Variants in SLC5A9 observed in about 807,000 individuals in gnomAD.
The protein encoded by SLC5A9 is solute carrier family 5 member 9.
A neutral mutation model predicts 70.9 loss-of-function variants in SLC5A9; 59 were observed. The observed-to-expected ratio is 0.83, with a 90% CI of 0.68 to 1.03. SLC5A9 has a LOEUF of 1.03. SLC5A9 is among the 50% of genes least tolerant of loss of function. The pLI is 0.00. For synonymous variants in SLC5A9, 340 were observed against 346.5 expected (o/e 0.98, Z 0.21); for missense variants, 832 against 881.1 (o/e 0.94, Z 0.71).
intron 4 of SLC5A9, 33 bp from the exon 5 acceptor site, chr1:48,230,567 T>G: frequency 6.5e-7 from 1 of 1,527,676 alleles, no homozygotes; most frequent in Non-Finnish European, 9.1e-7. Context: ...GGGCCTCGGG[T>G]GGTCTGGCCT....
At chr1:48,231,069 C>A (rs2148571679) in intron 5 of SLC5A9, among the ~76,000 whole-genome samples, 1 of 152,274 alleles carries the variant, frequency 6.6e-6, no homozygotes, top group Middle Eastern at 3.4e-3. Context: ...TCACTGCAGG[C>A]TGCCCCAGGC....
intron 2 of SLC5A9, chr1:48,228,492 T>A: frequency 4.4e-6 from 1 of 227,136 alleles, no homozygotes; most frequent in Non-Finnish European, 8.9e-6. Flanking sequence ...GGCTTCCCTA[T>A]CCCCTTCAGC....
At chr1:48,236,013 C>A in intron 10 of SLC5A9, 134 bp downstream of exon 10, 1 of 978,938 alleles carries the variant, frequency 1.0e-6, no homozygotes. Flanking sequence ...TCCAGCTCTC[C>A]ACATGATTTC....
At position 48,242,540 on chromosome 1, in the gene SLC5A9, C is replaced by T. The variant is rs955645064; in HGVS notation, c.1761C>T (p.Ser587=). The change falls in exon 13 of 14, where the codon TCC becomes TCT. Residue 587 remains serine, a synonymous_variant. Transcript: ENST00000438567. ...KEAHESTPEI[S]ERPAGECPAG... ...CCCACGAGAGCACACCGGAGATATC[C>T]GAGAGGCCAGCCGGGGAGTGCCCTG... The T allele has an allele frequency of 3.1e-6, 5 of 1,613,656 alleles. No individual in the cohort carries two copies. The highest frequency in any genetic ancestry group is 2.2e-5 in the East Asian group (1 of 44,878).
Position 48,242,628 on chromosome 1 carries a change from C to T in SLC5A9, c.1837+12C>T. 6.2e-7 allele frequency: 1 copy of T among 1,601,836 alleles called. No individual in the cohort carries two copies. Among genetic ancestry groups the T allele is most frequent in the Non-Finnish European group, 8.5e-7 (1 of 1,173,846 alleles). ...GGAGCAGCCTGAAGGTAGGCTGCGG[C>T]AGGCCGGGGGATACTCATCACAGAG... On this transcript the variant is annotated intron_variant, in intron 13 of 13. Coordinates refer to ENST00000438567, the MANE Select transcript of SLC5A9 (RefSeq NM_001011547.3).
At chr1:48,224,658 G>A in intron 1 of SLC5A9, 66 bp from the exon 2 acceptor site, 1 of 1,530,026 alleles carries the variant, frequency 6.5e-7, no homozygotes, top group Non-Finnish European at 9.1e-7. Flanking sequence ...GAAATCTGCG[G>A]GGAGGGGGCA....
intron 5 of SLC5A9, 23 bp downstream of exon 5, chr1:48,230,728 G>A: frequency 3.2e-6 from 5 of 1,570,404 alleles, no homozygotes; most frequent in Non-Finnish European, 4.4e-6. Context: ...AAGAGGGCAA[G>A]AGGAAAGCTT....
intron 3 of SLC5A9, 167 bp downstream of exon 3, chr1:48,229,121 G>T (rs773264494): frequency 6.2e-7 from 1 of 1,614,088 alleles, no homozygotes. Flanking sequence ...ATCAAGGTCT[G>T]GAGGAGACAG....
At chr1:48,227,803 T>C (rs1007365925) in intron 2 of SLC5A9, 1 of 152,370 alleles carries the variant, frequency 6.6e-6, no homozygotes, top group Non-Finnish European at 1.5e-5. Context: ...TCCTCTCACT[T>C]TCTCTCTCAC....
chr1:48,235,908 G>A lies in SLC5A9; in HGVS notation c.1292+29G>A, dbSNP rs756870831. ...CGCCGGCCCCTCCTTCCCTCCTTCC[G>A]AAGTGCCCTCTCCCCTCTGCCCTGC... On this transcript the variant is annotated intron_variant, in intron 10 of 13. Transcript: ENST00000438567. 67 of 1,613,428 alleles carry A rather than the reference G, an allele frequency of 4.2e-5. 1 individual carries two copies. The highest frequency in any genetic ancestry group is 2.8e-5 in the Non-Finnish European group (33 of 1,179,822).
intron 9 of SLC5A9, 121 bp from the exon 10 acceptor site, chr1:48,235,608 C>T: frequency 1.7e-6 from 2 of 1,194,156 alleles, no homozygotes; most frequent in Non-Finnish European, 2.4e-6. Context: ...CATCCAACCC[C>T]TTCCCTCTCT....
In SLC5A9 at chr1:48,239,663, G is replaced by T; in HGVS notation, c.1677+126G>T. The stretch of plus-strand genomic sequence containing the variant: ...CCCTGTGGCCACACAGATGTCCTTG[G>T]GAGGGAAAGTGCCTTGGGCTATGAA... On this transcript the variant is annotated intron_variant, in intron 12 of 13. Transcript: ENST00000438567. The surrounding 1 kb of genome is among the most constrained non-coding windows in gnomAD (Gnocchi z 4.2). 1.1e-6 allele frequency: 1 copy of T among 881,000 alleles called. No individual in the cohort carries two copies. The highest frequency in any genetic ancestry group is 1.8e-6 in the Non-Finnish European group (1 of 559,772). The allele number at this position is 881,000 out of a possible 1,614,324, so 54.6% of individuals were successfully genotyped here.
chr1:48,228,684 T>TA, intron 2 of SLC5A9, 166 bp from the exon 3 acceptor site: 3 of 1,168,348 alleles, frequency 2.6e-6, no homozygotes, highest in Non-Finnish European at 3.5e-6. Context: ...GGATGACTAA[T>TA]ACCCCTCCCT....
intron 10 of SLC5A9, 91 bp downstream of exon 10, chr1:48,235,970 C>G: frequency 6.8e-7 from 1 of 1,478,996 alleles, no homozygotes; most frequent in South Asian, 1.2e-5. Flanking sequence ...TGGGTTGGAC[C>G]CTGGACTGGC....
At chr1:48,233,784 C>A (rs1303276678) in intron 9 of SLC5A9, 22 bp downstream of exon 9, 4 of 1,528,664 alleles carry the variant, frequency 2.6e-6, no homozygotes, top group East Asian at 2.3e-5. Context: ...CTCCCCACCC[C>A]ACCCTGCACT....
At position 48,230,619 on chromosome 1, in the gene SLC5A9, C is replaced by T. The variant is rs1253858333; in HGVS notation, c.524C>T (p.Ala175Val). Residue 175 changes from alanine to valine, a missense_variant, in exon 5 of 14, where the codon GCC (alanine) becomes GTC (valine). Physicochemically the swap from Ala to Val is moderately conservative, Grantham distance 64. Coordinates refer to ENST00000438567, the MANE Select transcript of SLC5A9 (RefSeq NM_001011547.3). ...CTGCAGACTGACATCTTCTCTGGAGCCCTCTTCATCCAGATGGCATTGGGC... is the reference window on the plus strand; with the variant it reads ...CTGCAGACTGACATCTTCTCTGGAGTCCTCTTCATCCAGATGGCATTGGGC... ...TKISTDIFSG[A>V]LFIQMALGWN... 9.9e-6 allele frequency: 16 copies of T among 1,613,886 alleles called. No homozygotes were observed. The highest frequency in any genetic ancestry group is 1.3e-5 in the Non-Finnish European group (15 of 1,179,962).
Position 48,247,885 on chromosome 1 carries a change from GA to G in SLC5A9, c.*347del, listed in dbSNP as rs531014135. 18 of 253,348 alleles carry G rather than the reference GA, an allele frequency of 7.1e-5. No individual in the cohort carries two copies. In the South Asian group the frequency reaches 1.5e-3, roughly 21 times the overall value. 15.7% of individuals were successfully genotyped at this position (253,348 alleles called of 1,614,324 possible). ...TTACTGAATGTGTGTCTTGAGAGTA[GA>G]AAAATGGAGGATACAAGAAAAGGAG... On this transcript the variant is annotated 3_prime_UTR_variant, in exon 14 of 14. Transcript: ENST00000438567.
rs1382301513 is a variant in SLC5A9, at chr1:48,247,964, T to G, written c.*421T>G. On this transcript the variant is annotated 3_prime_UTR_variant, in exon 14 of 14. Transcript: ENST00000438567. ...GCACCTTTGCTCCCCCTTATCCTCC[T>G]TCCTCTTCCCCTTTCTAGTTCCCCT... The G allele has an allele frequency of 5.4e-6, 1 of 184,402 alleles. No homozygotes were observed. The highest frequency in any genetic ancestry group is 2.3e-5 in the African/African-American group (1 of 42,726). The allele number at this position is 184,402 out of a possible 1,614,324, so 11.4% of individuals were successfully genotyped here.
chr1:48,238,541 T>A (rs1644357413), intron 11 of SLC5A9: 1 of 152,228 alleles, frequency 6.6e-6, no homozygotes, highest in Admixed American at 6.5e-5. Flanking sequence ...CTTGAGAAGC[T>A]GAGGGATATC....
Sources: gnomAD v4.1 joint callset for allele counts (sites outside exome capture counted in the v4.1 genomes callset) on GRCh38, gnomAD v4.1.1 for gene constraint, Gnocchi (gnomAD v3.1) non-coding constraint, MANE v1.5 for transcripts, NCBI Gene and HGNC (gene_info 2026-07-23, HGNC 2026-07-21) for gene names.